MED12L: variants seen among roughly 807,000 people sequenced by gnomAD.
MED12L encodes mediator of RNA polymerase II transcription subunit 12-like protein.
A neutral mutation model predicts 281.3 loss-of-function variants in MED12L; 60 were observed. That is an observed-to-expected ratio of 0.21 (90% CI 0.17 to 0.26). The LOEUF is 0.26. Ranked by LOEUF, MED12L falls within the 10% of genes least tolerant of loss-of-function variation. The probability of loss-of-function intolerance (pLI) is 1.00; values close to 1 mark genes in which losing one functional copy is unlikely to be tolerated. For synonymous variants in MED12L, 974 were observed against 987.2 expected, an observed-to-expected ratio of 0.99 and a Z score of 0.25; for missense variants, 2,146 against 2,680.9, an observed-to-expected ratio of 0.80 and a Z score of 4.41.
chr3:151,378,616 C>T (rs933219775), intron 31 of MED12L, among the ~76,000 whole-genome samples: 1 of 152,036 alleles, frequency 6.6e-6, no homozygotes, highest in Non-Finnish European at 1.5e-5. Context: ...CTAGACTAGA[C>T]ATTAAGACTC....
At chr3:151,351,789 T>C (rs1160670936) in intron 17 of MED12L, among the ~76,000 whole-genome samples, 2 of 152,030 alleles carry the variant, frequency 1.3e-5, no homozygotes, top group East Asian at 3.9e-4. Flanking sequence ...GCTTGAGGGG[T>C]ATGGGAAGGG....
chr3:151,198,840 T>A, intron 16 of MED12L: 1 of 1,613,646 alleles, frequency 6.2e-7, no homozygotes, highest in Non-Finnish European at 8.5e-7. Flanking sequence ...GCTACACATA[T>A]GAAATTTGTC....
intron 16 of MED12L, among the ~76,000 whole-genome samples, chr3:151,211,238 C>A (rs1439932772): frequency 1.3e-5 from 2 of 152,204 alleles, no homozygotes; most frequent in African/African-American, 4.8e-5. Flanking sequence ...AAAGGCATTT[C>A]TTGGTGCTAC....
rs1488055236 is a variant in MED12L at position 151,127,808 on chromosome 3, A to C, written c.397-17A>C. Reference sequence around the variant, plus strand: ...AGTACGTGATTATTATAAATATACTATGTTGTTTCTTTTTAGGTTCCTATC... The same window carrying C: ...AGTACGTGATTATTATAAATATACTCTGTTGTTTCTTTTTAGGTTCCTATC... On this transcript the variant is annotated splice_polypyrimidine_tract_variant and intron_variant, in intron 4 of 44. Coordinates refer to ENST00000687756, the MANE Select transcript of MED12L (RefSeq NM_001393769.1). 6.6e-7 allele frequency: 1 copy of C among 1,523,458 alleles called. No homozygotes were observed. The highest frequency in any genetic ancestry group is 2.3e-5 in the East Asian group (1 of 44,372). 94.4% of individuals were successfully genotyped at this position (1,523,458 alleles called of 1,614,324 possible).
At chr3:151,356,105 A>G (rs1433768063) in intron 19 of MED12L, 66 bp downstream of exon 19, 6 of 1,507,924 alleles carry the variant, frequency 4.0e-6, no homozygotes, top group Non-Finnish European at 5.4e-6. Flanking sequence ...GTGCAATTTA[A>G]AGTGAGCCAA....
intron 16 of MED12L, among the ~76,000 whole-genome samples, chr3:151,253,361 G>A (rs1369893519): frequency 6.6e-6 from 1 of 152,180 alleles, no homozygotes; most frequent in East Asian, 1.9e-4. Context: ...AGTTTAGAGT[G>A]GAGCAACAGC....
At chr3:151,327,336 A>C (rs1304806872) in intron 16 of MED12L, 1 of 152,214 alleles carries the variant, frequency 6.6e-6, no homozygotes, top group Non-Finnish European at 1.5e-5. Flanking sequence ...GCATTCTCAC[A>C]CTTGAATTGT....
intron 5 of MED12L, among the ~76,000 whole-genome samples, chr3:151,135,991 C>T (rs1174383349): frequency 6.6e-6 from 1 of 152,172 alleles, no homozygotes; most frequent in East Asian, 1.9e-4. Context: ...TTCAAAGAAG[C>T]TTAAAATGCT....
At chr3:151,094,279 CAG>C in intron 2 of MED12L, among the ~76,000 whole-genome samples, 1 of 152,200 alleles carries the variant, frequency 6.6e-6, no homozygotes, top group African/African-American at 2.4e-5. Flanking sequence ...ACACCATTCT[CAG>C]GGCTTCTAGA....
intron 16 of MED12L, chr3:151,294,619 A>G (rs2149690911): frequency 6.2e-7 from 1 of 1,614,202 alleles, no homozygotes; most frequent in Non-Finnish European, 8.5e-7. Context: ...AGCTGTTCAC[A>G]TAGGTGACTG....
intron 5 of MED12L, among the ~76,000 whole-genome samples, chr3:151,148,625 A>T (rs916538179): frequency 6.6e-6 from 1 of 152,158 alleles, no homozygotes; most frequent in African/African-American, 2.4e-5. Context: ...ATCACCTCTG[A>T]CTTAAAGTGC....
chr3:151,388,248 C>G (rs1577534032), intron 37 of MED12L, 76 bp downstream of exon 37: 2 of 1,493,392 alleles, frequency 1.3e-6, no homozygotes, highest in Non-Finnish European at 1.8e-6. Flanking sequence ...AATCATATCC[C>G]TCGAAACATT....
chr3:151,407,215 A>G (rs1324814346), intron 39 of MED12L, among the ~76,000 whole-genome samples: 4 of 152,210 alleles, frequency 2.6e-5, no homozygotes, highest in Non-Finnish European at 5.9e-5. Flanking sequence ...CATGTAAGTC[A>G]TAATGTGTTT....
intron 16 of MED12L, among the ~76,000 whole-genome samples, chr3:151,267,314 A>G (rs964956705): frequency 2.0e-5 from 3 of 152,242 alleles, no homozygotes; most frequent in Non-Finnish European, 4.4e-5. Flanking sequence ...AATGGTAGTC[A>G]TTGAAATACT....
chr3:151,190,615 G>T (rs1306103015), intron 13 of MED12L, 102 bp from the exon 14 acceptor site: 2 of 1,075,728 alleles, frequency 1.9e-6, no homozygotes, highest in Non-Finnish European at 2.7e-6. Flanking sequence ...TTTTTCCCCA[G>T]AAAAGTTGAT....
At chr3:151,212,707 T>C (rs1212179024) in intron 16 of MED12L, 1 of 152,114 alleles carries the variant, frequency 6.6e-6, no homozygotes, top group Non-Finnish European at 1.5e-5. Flanking sequence ...AAGTATACAA[T>C]TAATATTCCT....
At chr3:151,328,647 T>TG in intron 16 of MED12L, 1 of 1,613,982 alleles carries the variant, frequency 6.2e-7, no homozygotes, top group Non-Finnish European at 8.5e-7. Flanking sequence ...TCAAAGGCTA[T>TG]GAGCCCTAAC....
chr3:151,353,507 C>T (rs1051224598), intron 17 of MED12L, among the ~76,000 whole-genome samples: 6 of 152,124 alleles, frequency 3.9e-5, no homozygotes, highest in African/African-American at 1.4e-4. Context: ...TTATGTTACC[C>T]CAGCACCTTT....
chr3:151,224,222 T>A (rs1001832077), intron 16 of MED12L, among the ~76,000 whole-genome samples: 5 of 152,228 alleles, frequency 3.3e-5, no homozygotes, highest in Non-Finnish European at 5.9e-5. Context: ...TCAGTTCTTA[T>A]AAAGGTACAA....
Sources: gnomAD v4.1 joint callset for allele counts (sites outside exome capture counted in the v4.1 genomes callset) on GRCh38, gnomAD v4.1.1 for gene constraint, MANE v1.5 for transcripts, NCBI Gene and HGNC (gene_info 2026-07-23, HGNC 2026-07-21) for gene names.